PTPRN2: variants seen among roughly 807,000 people sequenced by gnomAD.
PTPRN2 encodes protein tyrosine phosphatase receptor type N2.
A neutral mutation model predicts 118.8 loss-of-function variants in PTPRN2; 74 were observed. The observed-to-expected ratio is 0.62, with a 90% CI of 0.52 to 0.76. PTPRN2 has a LOEUF of 0.76. Ranked by LOEUF, PTPRN2 falls within the 30% of genes least tolerant of loss-of-function variation. PTPRN2 has a pLI of 0.00. For missense variants in PTPRN2, 1,481 were observed against 1,394.4 expected, an observed-to-expected ratio of 1.06 and a Z score of -0.99; for synonymous variants, 641 against 608.0, an observed-to-expected ratio of 1.05 and a Z score of -0.80.
chr7:158,437,020 G>A (rs1327099047), intron 2 of PTPRN2, among the ~76,000 whole-genome samples: 11 of 151,982 alleles, frequency 7.2e-5, no homozygotes, highest in Admixed American at 7.2e-4. Context: ...AAAAATCATA[G>A]CTCTCATCGC....
intron 3 of PTPRN2, among the ~76,000 whole-genome samples, chr7:158,297,660 T>A (rs1431450555): frequency 6.6e-6 from 1 of 152,232 alleles, no homozygotes; most frequent in East Asian, 1.9e-4. Context: ...AGGTTTCTTG[T>A]AAAACAGAGA....
chr7:158,491,174 AC>A (rs1284743871), intron 1 of PTPRN2, among the ~76,000 whole-genome samples: 4 of 152,240 alleles, frequency 2.6e-5, no homozygotes, highest in African/African-American at 9.6e-5. Flanking sequence ...CTAAGGCAGC[AC>A]AGAGCCTAGC....
intron 2 of PTPRN2, among the ~76,000 whole-genome samples, chr7:158,338,543 C>A (rs1238069987): frequency 2.2e-4 from 21 of 97,306 alleles, no homozygotes; most frequent in South Asian, 8.0e-4. Context: ...CCCACACTCT[C>A]ACCATAAGAG....
At chr7:158,207,627 G>A (rs1827259642) in intron 3 of PTPRN2, among the ~76,000 whole-genome samples, 1 of 152,132 alleles carries the variant, frequency 6.6e-6, no homozygotes, top group Non-Finnish European at 1.5e-5. Flanking sequence ...CCATCAAAAA[G>A]TGGGCAAAGT....
At chr7:158,392,845 T>A (rs1812044961) in intron 2 of PTPRN2, among the ~76,000 whole-genome samples, 1 of 152,122 alleles carries the variant, frequency 6.6e-6, no homozygotes, top group Non-Finnish European at 1.5e-5. Flanking sequence ...GACCTGCAGG[T>A]ATGTCTCACC....
At chr7:157,565,343 T>C (rs146585180) in intron 21 of PTPRN2, among the ~76,000 whole-genome samples, 5 of 152,342 alleles carry the variant, frequency 3.3e-5, no homozygotes, top group Non-Finnish European at 7.3e-5. Context: ...GGGATTCATA[T>C]TGGAACACAA....
chr7:157,954,673 A>G, intron 11 of PTPRN2, among the ~76,000 whole-genome samples: 1 of 152,116 alleles, frequency 6.6e-6, no homozygotes, highest in East Asian at 1.9e-4. Flanking sequence ...CCTGCAGTAC[A>G]GCTCCAGACC....
chr7:158,092,034 G>T (rs1585410504), intron 10 of PTPRN2, among the ~76,000 whole-genome samples: 2 of 147,240 alleles, frequency 1.4e-5, no homozygotes, highest in Non-Finnish European at 3.0e-5. Context: ...GTAGAGAGAT[G>T]GGTGGGTGAG....
intron 12 of PTPRN2, among the ~76,000 whole-genome samples, chr7:157,752,760 A>G (rs1383700114): frequency 6.6e-6 from 1 of 152,202 alleles, no homozygotes; most frequent in Non-Finnish European, 1.5e-5. Flanking sequence ...GAGGACACCC[A>G]TCAAAGGCAG....
chr7:158,019,275 ATTTAT>A (rs1416125505), intron 11 of PTPRN2, among the ~76,000 whole-genome samples: 4 of 152,222 alleles, frequency 2.6e-5, no homozygotes, highest in African/African-American at 9.6e-5. Context: ...ACCAAATGAT[ATTTAT>A]TTTGTTTCAA....
chr7:158,228,384 C>T (rs150203854), intron 3 of PTPRN2, among the ~76,000 whole-genome samples: 12 of 152,220 alleles, frequency 7.9e-5, no homozygotes, highest in African/African-American at 2.4e-4. Context: ...TTAAACTTTT[C>T]TGAGCAACAT....
chr7:157,682,670 C>G lies in PTPRN2; in HGVS notation c.2001+55G>C, dbSNP rs1054209272. 14 of 1,517,060 alleles carry G rather than the reference C, an allele frequency of 9.2e-6. No individual in the cohort carries two copies. In the Middle Eastern group the frequency reaches 6.9e-4, roughly 75 times the overall value. 94.0% of individuals were successfully genotyped at this position (1,517,060 alleles called of 1,614,324 possible). ...AGGGGCCAGAGAGGAACGCCATCAT[C>G]TGCCTGTTCAACAGATAAATCCGAT... is the stretch of plus-strand genomic sequence containing the variant. On this transcript the variant is annotated intron_variant, in intron 13 of 22. Coordinates refer to ENST00000389418, the MANE Select transcript of PTPRN2 (RefSeq NM_002847.5).
intron 21 of PTPRN2, among the ~76,000 whole-genome samples, chr7:157,558,850 G>A (rs1799034647): frequency 6.6e-6 from 1 of 152,218 alleles, no homozygotes; most frequent in Admixed American, 6.5e-5. Flanking sequence ...AAGTGCCTGG[G>A]CTGGGGACAG....
intron 2 of PTPRN2, among the ~76,000 whole-genome samples, chr7:158,458,487 C>T (rs1046115514): frequency 6.6e-6 from 1 of 152,106 alleles, no homozygotes; most frequent in Non-Finnish European, 1.5e-5. Flanking sequence ...TAAAGCTCCC[C>T]CGGTTTTTAA....
In PTPRN2 at chr7:158,576,960, C is replaced by T. The variant is rs1159430609; in HGVS notation, c.112+10598G>A. Reference sequence around the variant, plus strand: ...GGGGCCTACACAACACTGAGGGCTGCGCACCCTGCCTGATGCCACAGACAG... The same window carrying T: ...GGGGCCTACACAACACTGAGGGCTGTGCACCCTGCCTGATGCCACAGACAG... On this transcript the variant is annotated intron_variant, in intron 1 of 22. Coordinates refer to ENST00000389418, the MANE Select transcript of PTPRN2 (RefSeq NM_002847.5). 1.8e-5 allele frequency among the ~76,000 whole-genome samples: 2 copies of T among 108,316 alleles called. 1 individual carries two copies. Among genetic ancestry groups the T allele is most frequent in the African/African-American group, 8.1e-5 (2 of 24,614 alleles). The allele number at this position is 108,316 out of a possible 152,430, so 71.1% of individuals were successfully genotyped here. A position where few individuals can be genotyped will look rare whatever the true frequency, so the allele number is the denominator to read the frequency against.
chr7:158,154,819 A>G (rs10264213), intron 6 of PTPRN2, among the ~76,000 whole-genome samples: 128,707 of 152,154 alleles, frequency 0.85, 54,478 homozygotes, highest in East Asian at 0.9. Context: ...CAGTTAATGC[A>G]TACTAGGGAT....
chr7:158,270,850 CCGCCCCCCCACCT>C (rs1798358549), intron 3 of PTPRN2, among the ~76,000 whole-genome samples: 5 of 14,840 alleles, frequency 3.4e-4, no homozygotes, highest in Non-Finnish European at 5.1e-4. Flanking sequence ...CTCACCTGGA[CCGCCCCCCCACCT>C]GGACCGCCCC....
intron 3 of PTPRN2, among the ~76,000 whole-genome samples, chr7:158,213,904 C>T (rs1326190485): frequency 6.6e-6 from 1 of 151,870 alleles, no homozygotes; most frequent in Non-Finnish European, 1.5e-5. Flanking sequence ...AAATTTTTAT[C>T]TAAAAATCAT....
At chr7:157,802,494 T>G (rs767791609) in intron 12 of PTPRN2, among the ~76,000 whole-genome samples, 7 of 152,248 alleles carry the variant, frequency 4.6e-5, no homozygotes, top group Admixed American at 2.6e-4. Context: ...GGGGGACATG[T>G]GCTTCCATGT....
Sources: gnomAD v4.1 joint callset for allele counts (sites outside exome capture counted in the v4.1 genomes callset) on GRCh38, gnomAD v4.1.1 for gene constraint, MANE v1.5 for transcripts, NCBI Gene and HGNC (gene_info 2026-07-23, HGNC 2026-07-21) for gene names.